The following ASTN1 variants were observed in gnomAD, a reference collection of about 807,000 sequenced individuals.
ASTN1 encodes astrotactin-1.
ASTN1 carries 41 observed loss-of-function variants against 140.7 expected under a neutral mutation model. The observed-to-expected ratio is 0.29, with a 90% confidence interval of 0.23 to 0.38. ASTN1 has a LOEUF of 0.38. Among genes scored for constraint, ASTN1 ranks in the 10% least tolerant of loss-of-function variants. ASTN1 has a pLI of 1.00. For missense variants in ASTN1, 1,479 were observed against 1,678.8 expected (o/e 0.88, Z 2.08); for synonymous variants, 640 against 652.2 (o/e 0.98, Z 0.29).
intron 8 of ASTN1, among the ~76,000 whole-genome samples, chr1:176,969,262 C>T (rs1012387211): frequency 3.3e-5 from 5 of 152,144 alleles, no homozygotes; most frequent in African/African-American, 4.8e-5. Flanking sequence ...ATGTGTCTCT[C>T]GCCTCCCTTT....
chr1:177,139,112 C>T lies in ASTN1; in HGVS notation c.283+25282G>A, dbSNP rs144700789. On this transcript the variant is annotated intron_variant, in intron 1 of 22. Coordinates refer to ENST00000361833, the MANE Select transcript of ASTN1 (RefSeq NM_004319.3). ...GAGAACTCATGCATTTATTCTGTAA[C>T]TATTCATTGAGACTTTTAGATGAGC... Among the ~76,000 whole-genome samples the T allele has an allele frequency of 4.9e-3, 746 of 152,228 alleles. 6 individuals carry two copies. The highest frequency in any genetic ancestry group is 0.017 in the African/African-American group (716 of 41,532).
chr1:177,059,924 G>A (rs1034185343), intron 2 of ASTN1, among the ~76,000 whole-genome samples: 1 of 152,144 alleles, frequency 6.6e-6, no homozygotes, highest in Non-Finnish European at 1.5e-5. Flanking sequence ...AATCAGTCAA[G>A]TCTCAACCTG....
intron 8 of ASTN1, chr1:176,981,367 C>T (rs1428914750): frequency 2.0e-5 from 3 of 151,968 alleles, no homozygotes; most frequent in African/African-American, 4.8e-5. Context: ...TTTTGTCCCC[C>T]CAAAAAGATA....
intron 16 of ASTN1, among the ~76,000 whole-genome samples, chr1:176,929,341 A>C (rs1671105661): frequency 6.6e-6 from 1 of 152,248 alleles, no homozygotes. Flanking sequence ...GAGGAGTCAA[A>C]GTCATAGAGA....
At chr1:177,158,957 C>T (rs1239646218) in intron 1 of ASTN1, among the ~76,000 whole-genome samples, 1 of 147,282 alleles carries the variant, frequency 6.8e-6, no homozygotes, top group African/African-American at 2.5e-5. Flanking sequence ...GTCCCAGCTA[C>T]TCAGGAGGAT....
chr1:176,871,495 A>C (rs1668342551), intron 21 of ASTN1, among the ~76,000 whole-genome samples: 1 of 152,170 alleles, frequency 6.6e-6, no homozygotes, highest in Non-Finnish European at 1.5e-5. Flanking sequence ...TATCATTCTC[A>C]TAACATAGTA....
Position 176,944,033 on chromosome 1 carries a change from G to A in ASTN1, c.2250-15C>T, listed in dbSNP as rs761653730. The A allele has an allele frequency of 6.2e-7, 1 of 1,612,364 alleles. No individual in the cohort carries two copies. The highest frequency in any genetic ancestry group is 8.5e-7 in the Non-Finnish European group (1 of 1,179,476). ...AGTTGTTTTGCCTAGAAAGAGGGTA[G>A]ACCTTCATTTCTGAGTGTTCAGGTG... On this transcript the variant is annotated splice_polypyrimidine_tract_variant and intron_variant, in intron 13 of 22. Transcript: ENST00000361833.
chr1:177,071,869 G>A (rs1467599935), intron 1 of ASTN1, among the ~76,000 whole-genome samples: 1 of 152,142 alleles, frequency 6.6e-6, no homozygotes, highest in African/African-American at 2.4e-5. Flanking sequence ...CTGAGAAAGT[G>A]GAGTGTAGAG....
At chr1:177,093,825 A>AGTT (rs1679891314) in intron 1 of ASTN1, among the ~76,000 whole-genome samples, 1 of 152,194 alleles carries the variant, frequency 6.6e-6, no homozygotes, top group African/African-American at 2.4e-5. Context: ...TTAAAAATTC[A>AGTT]GTTGTTCTCT....
chr1:176,872,432 G>A (rs533387717), intron 21 of ASTN1, among the ~76,000 whole-genome samples: 61 of 152,128 alleles, frequency 4.0e-4, no homozygotes, highest in African/African-American at 1.3e-3. Flanking sequence ...GTTCAAAAGT[G>A]GGGAAAAATA....
At chr1:176,889,525 T>G (rs1210984140) in intron 17 of ASTN1, among the ~76,000 whole-genome samples, 1 of 152,138 alleles carries the variant, frequency 6.6e-6, no homozygotes, top group Non-Finnish European at 1.5e-5. Context: ...GAGATAACTC[T>G]CCAAAAATCA....
intron 10 of ASTN1, among the ~76,000 whole-genome samples, chr1:176,958,039 CAAAG>C (rs1191448492): frequency 6.6e-6 from 1 of 152,130 alleles, no homozygotes; most frequent in Non-Finnish European, 1.5e-5. Flanking sequence ...AACGCCTGGT[CAAAG>C]AAAGAGGTCT....
At chr1:177,042,470 A>G (rs1677024686) in intron 2 of ASTN1, among the ~76,000 whole-genome samples, 1 of 152,188 alleles carries the variant, frequency 6.6e-6, no homozygotes, top group Non-Finnish European at 1.5e-5. Flanking sequence ...AGTTAATCCC[A>G]TTACATGTGC....
chr1:176,881,740 T>C (rs1421806753), intron 20 of ASTN1, among the ~76,000 whole-genome samples: 2 of 152,238 alleles, frequency 1.3e-5, no homozygotes, highest in African/African-American at 4.8e-5. Context: ...TGTGTTTATG[T>C]ACTTTACTTT....
intron 1 of ASTN1, among the ~76,000 whole-genome samples, chr1:177,143,452 C>A (rs1682562409): frequency 6.6e-6 from 1 of 152,190 alleles, no homozygotes; most frequent in African/African-American, 2.4e-5. Context: ...TGAGAAGTTG[C>A]ACCCTGAAGT....
chr1:176,949,024 A>T (rs1672073744), intron 12 of ASTN1, among the ~76,000 whole-genome samples, 161 bp downstream of exon 12: 1 of 152,088 alleles, frequency 6.6e-6, no homozygotes, highest in Non-Finnish European at 1.5e-5. Context: ...TTCCCCCTCG[A>T]CTTTAAAAAT....
chr1:177,066,944 C>G (rs942607722), intron 1 of ASTN1, among the ~76,000 whole-genome samples: 2 of 152,082 alleles, frequency 1.3e-5, no homozygotes, highest in Admixed American at 1.3e-4. Context: ...TTTTTAGCCT[C>G]ATGTTGAGGG....
In ASTN1 at chr1:177,162,843, TCC is replaced by T. The variant is rs564984555; in HGVS notation, c.283+1549_283+1550del. On this transcript the variant is annotated intron_variant, in intron 1 of 22. Transcript: ENST00000361833. ...ATTGTACATTTTGATGAGCGGCATA[TCC>T]ACAATGCTCCCATTTCCAGCTAGTC... Among the ~76,000 whole-genome samples the T allele has an allele frequency of 6.6e-5, 10 of 152,320 alleles. No individual in the cohort carries two copies. In the East Asian group the frequency reaches 1.9e-3, roughly 29 times the overall value.
intron 19 of ASTN1, 104 bp downstream of exon 19, chr1:176,884,235 G>A (rs1276234593): frequency 7.4e-7 from 1 of 1,357,668 alleles, no homozygotes; most frequent in East Asian, 2.4e-5. Flanking sequence ...GCATTGCCCT[G>A]GGATACTGGG....
Sources: gnomAD v4.1 joint callset for allele counts (sites outside exome capture counted in the v4.1 genomes callset) on GRCh38, gnomAD v4.1.1 for gene constraint, MANE v1.5 for transcripts, NCBI Gene and HGNC (gene_info 2026-07-23, HGNC 2026-07-21) for gene names.